The following ARFGEF3 variants were observed in gnomAD, a reference collection of about 807,000 sequenced individuals.
ARFGEF3 encodes ARFGEF family member 3, also known as brefeldin A-inhibited guanine nucleotide-exchange protein 3.
A neutral mutation model predicts 221.7 loss-of-function variants in ARFGEF3; 96 were observed. That is an observed-to-expected ratio of 0.43 (90% CI 0.37 to 0.51). The LOEUF (loss-of-function observed/expected upper bound fraction) is 0.51, where lower values mean the gene tolerates loss of function less well. Among genes scored for constraint, ARFGEF3 ranks in the 20% least tolerant of loss-of-function variants. ARFGEF3 has a pLI of 0.00. For synonymous variants in ARFGEF3, 1,145 were observed against 1,126.8 expected, an observed-to-expected ratio of 1.02 and a Z score of -0.32; for missense variants, 2,410 against 2,789.9, an observed-to-expected ratio of 0.86 and a Z score of 3.07.
chr6:138,240,936 C>G (rs1778384289), intron 6 of ARFGEF3, among the ~76,000 whole-genome samples: 1 of 152,154 alleles, frequency 6.6e-6, no homozygotes, highest in Admixed American at 6.5e-5. Context: ...CGGCCTATCA[C>G]TGTGCAAAAG....
intron 2 of ARFGEF3, among the ~76,000 whole-genome samples, chr6:138,176,371 C>T (rs868614451): frequency 8.6e-5 from 13 of 152,046 alleles, no homozygotes; most frequent in Middle Eastern, 6.8e-3. Context: ...TTAGTAGAGA[C>T]GGAGTTTCAC....
At chr6:138,335,757 C>T (rs1780310829) in intron 33 of ARFGEF3, among the ~76,000 whole-genome samples, 1 of 152,020 alleles carries the variant, frequency 6.6e-6, no homozygotes, top group Admixed American at 6.6e-5. Context: ...GTGTGTCATT[C>T]GAAAATGGCC....
chr6:138,166,615 T>C (rs1253621324), intron 1 of ARFGEF3, among the ~76,000 whole-genome samples: 6 of 152,128 alleles, frequency 3.9e-5, no homozygotes, highest in Admixed American at 3.9e-4. Flanking sequence ...GGATGAAGGG[T>C]TGGCTTGGGG....
At chr6:138,241,614 ACT>A (rs1212249377) in intron 6 of ARFGEF3, among the ~76,000 whole-genome samples, 1 of 152,082 alleles carries the variant, frequency 6.6e-6, no homozygotes, top group Non-Finnish European at 1.5e-5. Flanking sequence ...GCTTAATAAA[ACT>A]CAATTGATTG....
intron 22 of ARFGEF3, among the ~76,000 whole-genome samples, chr6:138,304,897 G>A (rs1317338433): frequency 6.6e-6 from 1 of 152,088 alleles, no homozygotes; most frequent in Non-Finnish European, 1.5e-5. Flanking sequence ...ACACTTCAAA[G>A]CTGTCAATGT....
In ARFGEF3 at chr6:138,236,379, G is replaced by A. The variant is rs1778287961; in HGVS notation, c.421-2130G>A. ...TATGAAGTACAAATGATACACAATG[G>A]AGAGTTTGGCTTCATCAAAGTGAAT... On this transcript the variant is annotated intron_variant, in intron 5 of 33. Coordinates refer to ENST00000251691, the MANE Select transcript of ARFGEF3 (RefSeq NM_020340.5). 2.6e-5 allele frequency among the ~76,000 whole-genome samples: 4 copies of A among 152,326 alleles called. No homozygotes were observed. In the South Asian group the frequency reaches 8.3e-4, roughly 32 times the overall value.
chr6:138,165,966 G>A (rs931554255), intron 1 of ARFGEF3, among the ~76,000 whole-genome samples: 1 of 152,210 alleles, frequency 6.6e-6, no homozygotes, highest in Non-Finnish European at 1.5e-5. Context: ...AAAGAATGAA[G>A]TAGAATAACT....
intron 32 of ARFGEF3, among the ~76,000 whole-genome samples, chr6:138,333,087 A>G (rs2114697537): frequency 6.6e-6 from 1 of 152,370 alleles, no homozygotes; most frequent in South Asian, 2.1e-4. Flanking sequence ...TTAATTGGCC[A>G]TATAATGGCC....
intron 12 of ARFGEF3, among the ~76,000 whole-genome samples, chr6:138,266,848 CAA>C (rs55638606): frequency 2.6e-4 from 20 of 77,342 alleles, no homozygotes; most frequent in Admixed American, 3.3e-4. Context: ...GACTCCATCT[CAA>C]AAAAAAAAAA....
intron 22 of ARFGEF3, among the ~76,000 whole-genome samples, chr6:138,299,186 A>G (rs1275911899): frequency 7.9e-6 from 1 of 126,246 alleles, no homozygotes; most frequent in African/African-American, 3.0e-5. Context: ...TGAGTGACAG[A>G]GCGAGACTCT....
At chr6:138,269,570 G>C (rs1778960276) in intron 12 of ARFGEF3, among the ~76,000 whole-genome samples, 1 of 152,182 alleles carries the variant, frequency 6.6e-6, no homozygotes, top group Non-Finnish European at 1.5e-5. Flanking sequence ...AGCACTTTGG[G>C]AGGCAGGGGT....
chr6:138,176,996 G>A (rs1425265621), intron 2 of ARFGEF3, among the ~76,000 whole-genome samples: 3 of 151,400 alleles, frequency 2.0e-5, no homozygotes, highest in South Asian at 2.1e-4. Flanking sequence ...GTCTAATGGG[G>A]TTTTCTTTAT....
intron 2 of ARFGEF3, among the ~76,000 whole-genome samples, chr6:138,202,405 A>G (rs1323591793): frequency 6.6e-6 from 1 of 152,200 alleles, no homozygotes; most frequent in Non-Finnish European, 1.5e-5. Context: ...TTTTTATGAT[A>G]TCACAGAGCA....
chr6:138,241,954 G>A (rs1419176271), intron 6 of ARFGEF3, among the ~76,000 whole-genome samples: 1 of 152,214 alleles, frequency 6.6e-6, no homozygotes, highest in Non-Finnish European at 1.5e-5. Flanking sequence ...GGGGCTGAAA[G>A]GTTGAAGGAT....
At position 138,278,632 on chromosome 6, in the gene ARFGEF3, C is replaced by T. The variant is rs983258055; in HGVS notation, c.2295+15C>T. On this transcript the variant is annotated intron_variant, in intron 13 of 33. Coordinates refer to ENST00000251691, the MANE Select transcript of ARFGEF3 (RefSeq NM_020340.5). ...CAGGCGTGATGGTGAGTGTGCCGTC[C>T]CTCATTGGACTGGCAGAGGGCAGGC... 1.2e-6 allele frequency: 2 copies of T among 1,612,752 alleles called. No homozygotes were observed. Among genetic ancestry groups the T allele is most frequent in the Non-Finnish European group, 1.7e-6 (2 of 1,179,406 alleles).
rs1294744634 is a variant in ARFGEF3 at position 138,340,941 on chromosome 6, T to A, written c.*4455T>A. 4 of 152,180 alleles carry A rather than the reference T, an allele frequency of 2.6e-5. No individual in the cohort carries two copies. Among genetic ancestry groups the A allele is most frequent in the Non-Finnish European group, 5.9e-5 (4 of 68,034 alleles). 9.4% of individuals were successfully genotyped at this position (152,180 alleles called of 1,614,324 possible). On this transcript the variant is annotated 3_prime_UTR_variant, in exon 34 of 34. Coordinates refer to ENST00000251691, the MANE Select transcript of ARFGEF3 (RefSeq NM_020340.5). ...GAAAAAAGAAAATGAATCATGTTTA[T>A]ACATAAAAAAATCACATGTAACACA...
chr6:138,317,031 A>C (rs1437750106), intron 26 of ARFGEF3, among the ~76,000 whole-genome samples: 2 of 152,186 alleles, frequency 1.3e-5, no homozygotes, highest in Non-Finnish European at 2.9e-5. Context: ...ATTAAAGGGG[A>C]AGGAGAAGGA....
chr6:138,257,799 T>C (rs1045988611), intron 10 of ARFGEF3, among the ~76,000 whole-genome samples: 8 of 152,232 alleles, frequency 5.3e-5, no homozygotes, highest in African/African-American at 1.9e-4. Flanking sequence ...AGGTAAATCA[T>C]TTAACTCTGA....
chr6:138,343,749 C>T lies in ARFGEF3; in HGVS notation c.*7263C>T, dbSNP rs1780469591. On this transcript the variant is annotated 3_prime_UTR_variant, in exon 34 of 34. Coordinates refer to ENST00000251691, the MANE Select transcript of ARFGEF3 (RefSeq NM_020340.5). ...TGGCTACCTCGGGATTATGTGCAAG[C>T]TGCTTTGTCCTACATTTCTTTCATC... is the stretch of plus-strand genomic sequence containing the variant. The T allele has an allele frequency of 6.6e-6, 1 of 152,164 alleles. No homozygotes were observed. Among genetic ancestry groups the T allele is most frequent in the African/African-American group, 2.4e-5 (1 of 41,436 alleles). 9.4% of individuals were successfully genotyped at this position (152,164 alleles called of 1,614,324 possible).
Sources: allele counts gnomAD v4.1 joint callset (sites outside exome capture counted in the v4.1 genomes callset), GRCh38; gene constraint gnomAD v4.1.1; transcripts MANE v1.5; gene names NCBI Gene and HGNC (gene_info 2026-07-23, HGNC 2026-07-21).